POU2F1: variants seen among roughly 807,000 people sequenced by gnomAD.
The protein encoded by POU2F1 is POU class 2 homeobox 1.
A neutral mutation model predicts 84.9 loss-of-function variants in POU2F1; 16 were observed. The observed-to-expected ratio is 0.19, with a 90% CI of 0.13 to 0.29. POU2F1 has a LOEUF of 0.29. Ranked by LOEUF, POU2F1 falls within the 10% of genes least tolerant of loss-of-function variation. The pLI is 1.00. For synonymous variants in POU2F1, 368 were observed against 368.3 expected, an observed-to-expected ratio of 1.00 and a Z score of 0.01; for missense variants, 738 against 942.6, an observed-to-expected ratio of 0.78 and a Z score of 2.84.
At chr1:167,401,819 C>T (rs759428093) in intron 13 of POU2F1, among the ~76,000 whole-genome samples, 5 of 152,200 alleles carry the variant, frequency 3.3e-5, no homozygotes, top group Admixed American at 2.0e-4. Flanking sequence ...CTTTTGCCTA[C>T]GCACCCTCAA....
At chr1:167,256,732 AT>A (rs1371592246) in intron 1 of POU2F1, among the ~76,000 whole-genome samples, 3 of 151,938 alleles carry the variant, frequency 2.0e-5, no homozygotes, top group Non-Finnish European at 2.9e-5. Flanking sequence ...TTATTTATTT[AT>A]TTTTTCCCCT....
In POU2F1 at chr1:167,413,042, C is replaced by G; in HGVS notation, c.1918C>G (p.Leu640Val). ...GACTTGCAGAGGTGCCTTACTCAGT[C>G]TGAATCCAGGGACCCTGAGCGGTGC... ...QFAAGGALLSLNPGTLSGALS... is the reference protein window; with the variant it reads ...QFAAGGALLSVNPGTLSGALS... The change falls in exon 15 of 16, where the codon CTG (leucine) becomes GTG (valine). Residue 640 changes from leucine (L) to valine (V), a missense_variant. Around this residue, in one of 4 missense-constraint regions of POU2F1, gnomAD observed 319 missense variants for 386.0 expected, o/e 0.83. Coordinates refer to ENST00000367866, the MANE Select transcript of POU2F1 (RefSeq NM_002697.4). 1 of 1,614,028 alleles carries G rather than the reference C, an allele frequency of 6.2e-7. No individual in the cohort carries two copies. Among genetic ancestry groups the G allele is most frequent in the Non-Finnish European group, 8.5e-7 (1 of 1,179,890 alleles).
At chr1:167,255,501 G>T (rs912715187) in intron 1 of POU2F1, among the ~76,000 whole-genome samples, 4 of 152,148 alleles carry the variant, frequency 2.6e-5, no homozygotes, top group African/African-American at 9.7e-5. Flanking sequence ...TTTTTATGGT[G>T]CTGAAAACAA....
chr1:167,377,737 G>A (rs1376102523), intron 7 of POU2F1, among the ~76,000 whole-genome samples: 1 of 152,156 alleles, frequency 6.6e-6, no homozygotes, highest in East Asian at 1.9e-4. Flanking sequence ...CATGTCATAG[G>A]GATTTGATGT....
rs1025666804 is a variant in POU2F1 at position 167,374,000 on chromosome 1, G to A, written c.403-108G>A. 2.5e-5 allele frequency: 25 copies of A among 987,560 alleles called. No individual in the cohort carries two copies. The Admixed American group carries it at 3.1e-4, about 12-fold the overall frequency. 61.2% of individuals were successfully genotyped at this position (987,560 alleles called of 1,614,324 possible). Reference sequence around the variant, plus strand: ...CTGTCTGCTAAGCAAGTGAAGTTGGGTAGCTGGGGACTGATATCATTTGAG... The same window carrying A: ...CTGTCTGCTAAGCAAGTGAAGTTGGATAGCTGGGGACTGATATCATTTGAG... On this transcript the variant is annotated intron_variant, in intron 5 of 15. Transcript: ENST00000367866.
At chr1:167,392,706 A>G (rs1450867839) in intron 9 of POU2F1, among the ~76,000 whole-genome samples, 1 of 152,138 alleles carries the variant, frequency 6.6e-6, no homozygotes, top group Non-Finnish European at 1.5e-5. Flanking sequence ...ATTTTTTGGC[A>G]TGACCATTCC....
rs1299958168 is a variant in POU2F1, at chr1:167,421,592, G to A, written c.*5782G>A. The A allele has an allele frequency of 6.6e-6, 1 of 152,196 alleles. No individual in the cohort carries two copies. Among genetic ancestry groups the A allele is most frequent in the Non-Finnish European group, 1.5e-5 (1 of 68,036 alleles). 9.4% of individuals were successfully genotyped at this position (152,196 alleles called of 1,614,324 possible). Reference sequence around the variant, plus strand: ...TTGGCCTTAGCTAAAAGCAGTAAATGTGAGTGAATTTTATGTTGATTATGT... The same window carrying A: ...TTGGCCTTAGCTAAAAGCAGTAAATATGAGTGAATTTTATGTTGATTATGT... On this transcript the variant is annotated 3_prime_UTR_variant, in exon 16 of 16. Coordinates refer to ENST00000367866, the MANE Select transcript of POU2F1 (RefSeq NM_002697.4).
intron 1 of POU2F1, among the ~76,000 whole-genome samples, chr1:167,313,656 A>G (rs903270140): frequency 6.6e-6 from 1 of 152,242 alleles, no homozygotes; most frequent in Non-Finnish European, 1.5e-5. Context: ...ACAAAACAGA[A>G]GAACATCTTC....
At chr1:167,289,098 TGTA>T (rs1386007878) in intron 1 of POU2F1, among the ~76,000 whole-genome samples, 2 of 152,212 alleles carry the variant, frequency 1.3e-5, no homozygotes, top group Non-Finnish European at 2.9e-5. Context: ...GGAGTATACT[TGTA>T]GTAGCATTTT....
intron 1 of POU2F1, among the ~76,000 whole-genome samples, chr1:167,289,847 G>A (rs1414282695): frequency 6.6e-6 from 1 of 151,910 alleles, no homozygotes; most frequent in Non-Finnish European, 1.5e-5. Context: ...GTTTTTTTGT[G>A]ACCCCATTGT....
Position 167,387,163 on chromosome 1 carries a change from C to T in POU2F1, c.814-2425C>T, listed in dbSNP as rs1403917476. On this transcript the variant is annotated intron_variant, in intron 8 of 15. Coordinates refer to ENST00000367866, the MANE Select transcript of POU2F1 (RefSeq NM_002697.4). ...CATCCTGACTCCTGCTCACTGAATT[C>T]TACTCTGCCATTTCTAGATCTGGCC... 4 of 456,000 alleles carry T rather than the reference C, an allele frequency of 8.8e-6. No homozygotes were observed. The East Asian group carries it at 2.8e-4, about 32-fold the overall frequency. The allele number at this position is 456,000 out of a possible 1,614,324, so 28.2% of individuals were successfully genotyped here.
rs1477732635 is a variant in POU2F1 at position 167,426,871 on chromosome 1, C to T, written c.*11061C>T. On this transcript the variant is annotated 3_prime_UTR_variant, in exon 16 of 16. Coordinates refer to ENST00000367866, the MANE Select transcript of POU2F1 (RefSeq NM_002697.4). ...TACATTTCTCTTAGATAACTCTGCA[C>T]TCTGGGTGGCTATTGTGTAGCCTTA... 6.6e-6 allele frequency: 1 copy of T among 152,198 alleles called. No individual in the cohort carries two copies. The highest frequency in any genetic ancestry group is 1.5e-5 in the Non-Finnish European group (1 of 68,050). The allele number at this position is 152,198 out of a possible 1,614,324, so 9.4% of individuals were successfully genotyped here.
At chr1:167,304,984 T>C (rs939999222) in intron 1 of POU2F1, among the ~76,000 whole-genome samples, 1 of 152,190 alleles carries the variant, frequency 6.6e-6, no homozygotes, top group African/African-American at 2.4e-5. Flanking sequence ...AGGCTTATTA[T>C]CATGAATGAA....
In POU2F1 at chr1:167,415,938, G is replaced by GTA; in HGVS notation, c.*128_*129insTA. The GTA allele has an allele frequency of 4.0e-5, 25 of 631,224 alleles. No homozygotes were observed. The highest frequency in any genetic ancestry group is 1.3e-4 in the East Asian group (3 of 22,892). The allele number at this position is 631,224 out of a possible 1,614,324, so 39.1% of individuals were successfully genotyped here. A position where few individuals can be genotyped will look rare whatever the true frequency, so the allele number is the denominator to read the frequency against. ...GTGTTGTGAGGGCAAAGGAGAGAAGGGAGAAAAAAAAAAAAAAACCACACA... is the reference window on the plus strand; with the variant it reads ...GTGTTGTGAGGGCAAAGGAGAGAAGGTAGAGAAAAAAAAAAAAAAACCACACA... On this transcript the variant is annotated 3_prime_UTR_variant, in exon 16 of 16. Coordinates refer to ENST00000367866, the MANE Select transcript of POU2F1 (RefSeq NM_002697.4).
intron 2 of POU2F1, among the ~76,000 whole-genome samples, chr1:167,363,374 G>C (rs551022684): frequency 6.6e-6 from 1 of 152,266 alleles, no homozygotes; most frequent in South Asian, 2.1e-4. Context: ...ATGGTGAACA[G>C]TCTCTTTTTC....
At chr1:167,263,376 C>A (rs147797141) in intron 1 of POU2F1, among the ~76,000 whole-genome samples, 1 of 151,908 alleles carries the variant, frequency 6.6e-6, no homozygotes, top group African/African-American at 2.4e-5. Context: ...AAAAATTAGC[C>A]GGGCGTGGTA....
rs372160105 is a variant in POU2F1 at position 167,419,949 on chromosome 1, T to TG, written c.*4144dup. On this transcript the variant is annotated 3_prime_UTR_variant, in exon 16 of 16. Transcript: ENST00000367866. ...TTGTTGTACATCTCTCATTCATTGTTGGGGGAAAAAAAAGCACAACTATAC... is the reference window on the plus strand; with the variant it reads ...TTGTTGTACATCTCTCATTCATTGTTGGGGGGAAAAAAAAGCACAACTATAC... The TG allele has an allele frequency of 1.3e-5, 2 of 152,152 alleles. No individual in the cohort carries two copies. Among genetic ancestry groups the TG allele is most frequent in the Non-Finnish European group, 2.9e-5 (2 of 68,014 alleles). The allele number at this position is 152,152 out of a possible 1,614,324, so 9.4% of individuals were successfully genotyped here.
At chr1:167,361,575 A>G (rs1396689170) in intron 2 of POU2F1, among the ~76,000 whole-genome samples, 1 of 152,056 alleles carries the variant, frequency 6.6e-6, no homozygotes, top group Admixed American at 6.6e-5. Context: ...TTGGATTACT[A>G]ATATTTTTTG....
chr1:167,311,092 A>G (rs2102600251), intron 1 of POU2F1, among the ~76,000 whole-genome samples: 1 of 152,320 alleles, frequency 6.6e-6, no homozygotes, highest in Admixed American at 6.5e-5. Flanking sequence ...AAACTCCCCA[A>G]ATTTAGTAGA....
Sources: gnomAD v4.1 joint callset for allele counts (sites outside exome capture counted in the v4.1 genomes callset) on GRCh38, gnomAD v4.1.1 for gene constraint, gnomAD v4.1.1 regional missense constraint, MANE v1.5 for transcripts, NCBI Gene and HGNC (gene_info 2026-07-23, HGNC 2026-07-21) for gene names.